The following SIRT1 variants were observed in gnomAD, a reference collection of about 807,000 sequenced individuals.
SIRT1 encodes sirtuin 1.
Under a neutral mutation model 67.9 loss-of-function variants are expected in SIRT1, and 24 were observed. The observed-to-expected ratio is 0.35, with a 90% confidence interval of 0.26 to 0.50. SIRT1 has a LOEUF of 0.50. Among genes scored for constraint, SIRT1 ranks in the 20% least tolerant of loss-of-function variants. The pLI is 0.98. For synonymous variants in SIRT1, 378 were observed against 350.7 expected (o/e 1.08, Z -0.87); for missense variants, 873 against 937.2 (o/e 0.93, Z 0.89).
chr10:67,902,973 C>T (rs1240188974), intron 4 of SIRT1, among the ~76,000 whole-genome samples: 2 of 152,148 alleles, frequency 1.3e-5, no homozygotes, highest in Non-Finnish European at 1.5e-5. Context: ...CACCTGTAGT[C>T]CCAGCTCCTT....
chr10:67,900,076 T>C (rs1842718231), intron 4 of SIRT1, among the ~76,000 whole-genome samples: 1 of 152,146 alleles, frequency 6.6e-6, no homozygotes, highest in African/African-American at 2.4e-5. Flanking sequence ...AGAGCGAGAC[T>C]CTATCTCAAA....
At chr10:67,888,152 A>G (rs1842515532) in intron 2 of SIRT1, among the ~76,000 whole-genome samples, 1 of 152,216 alleles carries the variant, frequency 6.6e-6, no homozygotes, top group African/African-American at 2.4e-5. Flanking sequence ...TGTGAATGAA[A>G]TGGGAAAGTA....
intron 4 of SIRT1, among the ~76,000 whole-genome samples, chr10:67,895,536 A>G (rs1842640929): frequency 6.6e-6 from 1 of 152,160 alleles, no homozygotes; most frequent in African/African-American, 2.4e-5. Flanking sequence ...GAGTCAGTGT[A>G]CTAGGCAGAA....
chr10:67,902,226 T>G (rs1233506471), intron 4 of SIRT1, among the ~76,000 whole-genome samples: 1 of 152,004 alleles, frequency 6.6e-6, no homozygotes, highest in Non-Finnish European at 1.5e-5. Flanking sequence ...TGACCTCAGG[T>G]GATCCGCCTG....
rs1351528884 is a variant in SIRT1 at position 67,885,527 on chromosome 10, A to AC, written c.430+382dup. On this transcript the variant is annotated intron_variant, in intron 1 of 8. Transcript: ENST00000212015. ...TTTATTTTCATTGCTTTTCTCCTCTACCCCCCAGCACACTTAAGTCTGCAA... is the reference window on the plus strand; with the variant it reads ...TTTATTTTCATTGCTTTTCTCCTCTACCCCCCCAGCACACTTAAGTCTGCAA... 1.2e-5 allele frequency: 7 copies of AC among 583,182 alleles called. No homozygotes were observed. In the East Asian group the frequency reaches 4.6e-4, roughly 38 times the overall value. 36.1% of individuals were successfully genotyped at this position (583,182 alleles called of 1,614,324 possible). A position where few individuals can be genotyped will look rare whatever the true frequency, so the allele number is the denominator to read the frequency against.
chr10:67,913,093 T>C (rs963571732), intron 8 of SIRT1, 62 bp downstream of exon 8: 8 of 1,511,092 alleles, frequency 5.3e-6, no homozygotes, highest in Non-Finnish European at 7.1e-6. Context: ...TCCAAAAAAT[T>C]AGCTATTTCG....
At chr10:67,902,732 G>A (rs1179224470) in intron 4 of SIRT1, among the ~76,000 whole-genome samples, 2 of 152,134 alleles carry the variant, frequency 1.3e-5, no homozygotes, top group Non-Finnish European at 2.9e-5. Flanking sequence ...TATATAGGAG[G>A]GGGTGGATAT....
chr10:67,896,310 A>G (rs1842657270), intron 4 of SIRT1, among the ~76,000 whole-genome samples: 1 of 151,944 alleles, frequency 6.6e-6, no homozygotes, highest in Admixed American at 6.6e-5. Context: ...TGTGTTTTTG[A>G]CTTTCTTTTT....
intron 7 of SIRT1, among the ~76,000 whole-genome samples, chr10:67,910,916 C>A (rs1369654994): frequency 2.6e-5 from 4 of 152,154 alleles, no homozygotes; most frequent in Non-Finnish European, 1.5e-5. Flanking sequence ...AATATTAAAT[C>A]CCTAGCCAGA....
chr10:67,893,884 T>C (rs146865867), intron 4 of SIRT1, among the ~76,000 whole-genome samples: 59 of 152,332 alleles, frequency 3.9e-4, no homozygotes, highest in African/African-American at 9.9e-4. Context: ...AGTGGCCTTA[T>C]CTACTTTCAG....
intron 1 of SIRT1, 142 bp downstream of exon 1, chr10:67,885,293 G>T (rs1020080749): frequency 8.9e-6 from 11 of 1,239,334 alleles, no homozygotes; most frequent in Admixed American, 8.5e-5. Context: ...CCGTTCAGCC[G>T]CGCTCCTCCG....
intron 4 of SIRT1, among the ~76,000 whole-genome samples, chr10:67,901,403 C>G (rs965840000): frequency 6.6e-6 from 1 of 152,088 alleles, no homozygotes; most frequent in African/African-American, 2.4e-5. Context: ...GCTCTTGTGA[C>G]CAAAATGGCA....
chr10:67,891,615 C>A (rs1215685514), intron 4 of SIRT1, 61 bp downstream of exon 4: 3 of 1,527,136 alleles, frequency 2.0e-6, no homozygotes, highest in Non-Finnish European at 2.7e-6. Context: ...ATTTTGTTCA[C>A]ATACAGCCAC....
Position 67,916,802 on chromosome 10 carries a change from TAA to T in SIRT1, c.*219_*220del, listed in dbSNP as rs145705395. The T allele has an allele frequency of 0.013, 3,738 of 283,186 alleles. 26 individuals carry two copies. The highest frequency in any genetic ancestry group is 0.033 in the Middle Eastern group (33 of 986). 17.5% of individuals were successfully genotyped at this position (283,186 alleles called of 1,614,324 possible). A position where few individuals can be genotyped will look rare whatever the true frequency, so the allele number is the denominator to read the frequency against. Reference sequence around the variant, plus strand: ...AACTCAACACTAACTTTTTTTTTTTTAAAAAAAAAAAGGTACTAAGTATCTTC... The same window carrying T: ...AACTCAACACTAACTTTTTTTTTTTTAAAAAAAAAGGTACTAAGTATCTTC... On this transcript the variant is annotated 3_prime_UTR_variant, in exon 9 of 9. Transcript: ENST00000212015.
chr10:67,911,697 C>T (rs979225990), intron 7 of SIRT1, among the ~76,000 whole-genome samples: 22 of 139,556 alleles, frequency 1.6e-4, no homozygotes, highest in Non-Finnish European at 1.5e-4. Context: ...CCATCCTTCC[C>T]GTCCGTTCTT....
chr10:67,892,245 C>T (rs12570807), intron 4 of SIRT1, among the ~76,000 whole-genome samples: 2 of 151,968 alleles, frequency 1.3e-5, no homozygotes, highest in African/African-American at 4.8e-5. Context: ...ATTTTGAATT[C>T]TTTTGAAATA....
chr10:67,897,209 G>T (rs1470902533), intron 4 of SIRT1, among the ~76,000 whole-genome samples: 1 of 151,638 alleles, frequency 6.6e-6, no homozygotes, highest in Non-Finnish European at 1.5e-5. Context: ...GTGCTTAGCT[G>T]TGGTACCACT....
intron 8 of SIRT1, among the ~76,000 whole-genome samples, chr10:67,914,764 A>G (rs1406365941): frequency 1.3e-5 from 2 of 151,824 alleles, no homozygotes; most frequent in East Asian, 3.9e-4. Context: ...CTGAAGTACA[A>G]TGGTGTGATC....
intron 6 of SIRT1, 152 bp downstream of exon 6, chr10:67,908,277 C>T (rs1443843785): frequency 1.7e-5 from 10 of 595,412 alleles, no homozygotes; most frequent in East Asian, 5.9e-5. Flanking sequence ...GTAAAATACA[C>T]GAGAACCTTT....
Sources: gnomAD v4.1 joint callset for allele counts (sites outside exome capture counted in the v4.1 genomes callset) on GRCh38, gnomAD v4.1.1 for gene constraint, MANE v1.5 for transcripts, NCBI Gene and HGNC (gene_info 2026-07-23, HGNC 2026-07-21) for gene names.